The following SDK2 variants were observed in gnomAD, a reference collection of about 807,000 sequenced individuals.
SDK2 encodes protein sidekick-2.
A neutral mutation model predicts 253.9 loss-of-function variants in SDK2; 105 were observed. The observed-to-expected ratio is 0.41, with a 90% confidence interval of 0.35 to 0.49. The LOEUF is 0.49. SDK2 is among the 20% of genes least tolerant of loss of function. SDK2 has a pLI of 0.06. For synonymous variants in SDK2, 1,249 were observed against 1,234.9 expected, an observed-to-expected ratio of 1.01 and a Z score of -0.24; for missense variants, 2,608 against 3,003.0, an observed-to-expected ratio of 0.87 and a Z score of 3.07.
chr17:73,405,786 C>A (rs940912122), intron 18 of SDK2, among the ~76,000 whole-genome samples: 3 of 150,072 alleles, frequency 2.0e-5, no homozygotes, highest in Non-Finnish European at 4.4e-5. Context: ...GTGGCGCGAT[C>A]TCCGCTCACT....
rs761013945 is a variant in SDK2 at position 73,337,041 on chromosome 17, T to TTGTG, written c.*1542_*1545dup. 9.0e-5 allele frequency: 13 copies of TTGTG among 144,682 alleles called. No homozygotes were observed. The highest frequency in any genetic ancestry group is 3.4e-4 in the African/African-American group (13 of 38,338). 9.0% of individuals were successfully genotyped at this position (144,682 alleles called of 1,614,324 possible). A position where few individuals can be genotyped will look rare whatever the true frequency, so the allele number is the denominator to read the frequency against. On this transcript the variant is annotated 3_prime_UTR_variant, in exon 45 of 45. Transcript: ENST00000392650. Reference sequence around the variant, plus strand: ...TTTGCAGAACACTCCTTGGAGCAGATTGTGTATGTGTATGTGTGTGTGTGT... The same window carrying TTGTG: ...TTTGCAGAACACTCCTTGGAGCAGATTGTGTGTGTATGTGTATGTGTGTGTGTGT...
At position 73,455,250 on chromosome 17, in the gene SDK2, G is replaced by A. The variant is rs1425643437; in HGVS notation, c.479+656C>T. On this transcript the variant is annotated intron_variant, in intron 4 of 44. Coordinates refer to ENST00000392650, the MANE Select transcript of SDK2 (RefSeq NM_001144952.2). This position sits in a 1 kb window ranked among gnomAD's most constrained non-coding sequence, Gnocchi z 5.0. ...AGACCCGGGGGTGGCTCAGGAGGGCGGGGAGACGGGTGTATCTCGGGAGGA... is the reference window on the plus strand; with the variant it reads ...AGACCCGGGGGTGGCTCAGGAGGGCAGGGAGACGGGTGTATCTCGGGAGGA... Among the ~76,000 whole-genome samples the A allele has an allele frequency of 1.3e-5, 2 of 152,116 alleles. No homozygotes were observed. Among genetic ancestry groups the A allele is most frequent in the African/African-American group, 2.4e-5 (1 of 41,428 alleles).
Position 73,504,710 on chromosome 17 carries a change from C to T in SDK2, c.224+2728G>A, listed in dbSNP as rs190449162. Among the ~76,000 whole-genome samples the T allele has an allele frequency of 2.8e-3, 274 of 97,356 alleles. 1 individual carries two copies. The highest frequency in any genetic ancestry group is 0.011 in the Middle Eastern group (2 of 190). The allele number at this position is 97,356 out of a possible 152,430, so 63.9% of individuals were successfully genotyped here. A position where few individuals can be genotyped will look rare whatever the true frequency, so the allele number is the denominator to read the frequency against. On this transcript the variant is annotated intron_variant, in intron 2 of 44. Transcript: ENST00000392650. ...TAAAAGAGAAGGAATTTGAGCTGGGCCCTGCAGGAGAAAAAAAAGTTTTCA... is the reference window on the plus strand; with the variant it reads ...TAAAAGAGAAGGAATTTGAGCTGGGTCCTGCAGGAGAAAAAAAAGTTTTCA...
At position 73,372,088 on chromosome 17, in the gene SDK2, A is replaced by C. The variant is rs572579551; in HGVS notation, c.4981-3495T>G. On this transcript the variant is annotated intron_variant, in intron 36 of 44. Transcript: ENST00000392650. Reference sequence around the variant, plus strand: ...AGAGGAAGGGCCAATGGCTGCAGTCATGCTCTTGGGTGAGGAGTGGGTCGG... The same window carrying C: ...AGAGGAAGGGCCAATGGCTGCAGTCCTGCTCTTGGGTGAGGAGTGGGTCGG... 2.6e-5 allele frequency among the ~76,000 whole-genome samples: 4 copies of C among 152,316 alleles called. No homozygotes were observed. In the South Asian group the frequency reaches 8.3e-4, roughly 32 times the overall value.
chr17:73,393,451 C>T, intron 27 of SDK2, 109 bp downstream of exon 27: 1 of 1,023,536 alleles, frequency 9.8e-7, no homozygotes, highest in Non-Finnish European at 1.3e-6. Flanking sequence ...CATCTGAGGC[C>T]ATGGCTCCCT....
intron 1 of SDK2, among the ~76,000 whole-genome samples, chr17:73,637,439 C>T (rs1213556179): frequency 2.0e-5 from 3 of 152,176 alleles, no homozygotes; most frequent in African/African-American, 4.8e-5. Context: ...AGTGCAGTAG[C>T]GTGTTCTCGG....
intron 4 of SDK2, among the ~76,000 whole-genome samples, chr17:73,454,236 T>G (rs1176282650): frequency 6.6e-6 from 1 of 152,148 alleles, no homozygotes; most frequent in East Asian, 1.9e-4. Context: ...ATCCCCAAAC[T>G]CCCAAATGAT....
intron 1 of SDK2, among the ~76,000 whole-genome samples, chr17:73,630,874 C>T (rs1250866867): frequency 4.0e-5 from 6 of 151,712 alleles, no homozygotes; most frequent in Admixed American, 1.3e-4. Flanking sequence ...CCCCTCAGCA[C>T]ACCGCCCCTC....
In SDK2 at chr17:73,488,738, T is replaced by C. The variant is rs556139389; in HGVS notation, c.225-16520A>G. ...AGTGCCATAAGTATTATAGTAGTTA[T>C]GCGTTTCTTAACCATTTAATATGTG... is the stretch of plus-strand genomic sequence containing the variant. On this transcript the variant is annotated intron_variant, in intron 2 of 44. Coordinates refer to ENST00000392650, the MANE Select transcript of SDK2 (RefSeq NM_001144952.2). Among the ~76,000 whole-genome samples, 40 of 152,354 alleles carry C rather than the reference T, an allele frequency of 2.6e-4. 1 individual carries two copies. The highest frequency in any genetic ancestry group is 1.4e-3 in the South Asian group (7 of 4,830).
In SDK2 at chr17:73,387,865, G is replaced by A; in HGVS notation, c.4365C>T (p.Ser1455=). 6.3e-7 allele frequency: 1 copy of A among 1,585,800 alleles called. No individual in the cohort carries two copies. The highest frequency in any genetic ancestry group is 8.6e-7 in the Non-Finnish European group (1 of 1,166,696). ...GRWALHSASV[S]HNASSFIVDR... ...CCACAATGAAGCTGGAGGCATTGTGGCTCACGGAGGCCGAGTGCAGTGCCC... is the reference window on the plus strand; with the variant it reads ...CCACAATGAAGCTGGAGGCATTGTGACTCACGGAGGCCGAGTGCAGTGCCC... The change falls in exon 30 of 45, where the codon AGC becomes AGT. Residue 1455 remains serine, a synonymous_variant. Transcript: ENST00000392650.
chr17:73,481,188 G>C lies in SDK2; in HGVS notation c.225-8970C>G, dbSNP rs187307219. Among the ~76,000 whole-genome samples, 130 of 152,272 alleles carry C rather than the reference G, an allele frequency of 8.5e-4. No homozygotes were observed. Among genetic ancestry groups the C allele is most frequent in the African/African-American group, 2.2e-3 (90 of 41,556 alleles). On this transcript the variant is annotated intron_variant, in intron 2 of 44. Transcript: ENST00000392650. The surrounding 1 kb of genome is among the most constrained non-coding windows in gnomAD (Gnocchi z 4.5). ...CGGGGTTCCAGAATCCTTGGAAGGT[G>C]GGGGAGGGCCCTGGACTTGTCCCCT...
intron 18 of SDK2, among the ~76,000 whole-genome samples, chr17:73,414,104 T>G (rs1361897209): frequency 6.6e-6 from 1 of 151,356 alleles, no homozygotes; most frequent in Non-Finnish European, 1.5e-5. Context: ...TGTAGTGCAA[T>G]GGCTGCAATC....
rs755760410 is a variant in SDK2, at chr17:73,391,518, T to C, written c.3919A>G (p.Ile1307Val). Residue 1307 changes from isoleucine to valine, a missense_variant, in exon 28 of 45, where the codon ATC becomes GTC. By Grantham distance (29) the Ile-to-Val change is conservative. Coordinates refer to ENST00000392650, the MANE Select transcript of SDK2 (RefSeq NM_001144952.2). ...GTGGTCCGCACCTCTGGGAACAGGATGCCCATGGGTGGTCCTGGGACTGGA... is the reference window on the plus strand; with the variant it reads ...GTGGTCCGCACCTCTGGGAACAGGACGCCCATGGGTGGTCCTGGGACTGGA... ...LDDVPGPPMG[I>V]LFPEVRTTSV... is the part of the protein sequence containing the mutation. 11 of 1,302,668 alleles carry C rather than the reference T, an allele frequency of 8.4e-6. No homozygotes were observed. Among genetic ancestry groups the C allele is most frequent in the South Asian group, 3.4e-5 (1 of 29,392 alleles). 80.7% of individuals were successfully genotyped at this position (1,302,668 alleles called of 1,614,324 possible).
At chr17:73,476,618 C>T (rs73349720) in intron 2 of SDK2, among the ~76,000 whole-genome samples, 21,193 of 152,110 alleles carry the variant, frequency 0.14, 2,297 homozygotes, top group African/African-American at 0.3. Flanking sequence ...ATTTCTTTTT[C>T]ATTTTTTTTA....
At chr17:73,490,530 T>TG (rs2063798482) in intron 2 of SDK2, among the ~76,000 whole-genome samples, 1 of 151,064 alleles carries the variant, frequency 6.6e-6, no homozygotes, top group Admixed American at 6.6e-5. Flanking sequence ...AGTGTTTTTT[T>TG]TTTTTTTTTT....
chr17:73,419,846 G>A lies in SDK2; in HGVS notation c.2046-540C>T, dbSNP rs75944158. 1.4e-3 allele frequency among the ~76,000 whole-genome samples: 206 copies of A among 151,274 alleles called. 1 individual carries two copies. Among genetic ancestry groups the A allele is most frequent in the African/African-American group, 4.4e-3 (181 of 41,156 alleles). ...CTGCAGTGAGCTGTGTTTGCATCAC[G>A]GAACTACAGCCTGGGAAACAGAGAC... On this transcript the variant is annotated intron_variant, in intron 15 of 44. Coordinates refer to ENST00000392650, the MANE Select transcript of SDK2 (RefSeq NM_001144952.2).
In SDK2 at chr17:73,643,913, C is replaced by T. The variant is rs1702398536; in HGVS notation, c.64+112G>A. On this transcript the variant is annotated intron_variant, in intron 1 of 44. Coordinates refer to ENST00000392650, the MANE Select transcript of SDK2 (RefSeq NM_001144952.2). The surrounding 1 kb of genome is among the most constrained non-coding windows in gnomAD (Gnocchi z 6.9). The stretch of plus-strand genomic sequence containing the variant: ...AAACTCCCTGGAGAGGGCTCTGCCA[C>T]GGCTAAGCCGGGTGTCCAGGAGGTC... The T allele has an allele frequency of 5.2e-6, 5 of 958,014 alleles. No individual in the cohort carries two copies. The highest frequency in any genetic ancestry group is 4.5e-5 in the South Asian group (3 of 66,204). 59.3% of individuals were successfully genotyped at this position (958,014 alleles called of 1,614,324 possible).
At chr17:73,622,656 C>T (rs1038283725) in intron 1 of SDK2, among the ~76,000 whole-genome samples, 9 of 152,144 alleles carry the variant, frequency 5.9e-5, no homozygotes, top group African/African-American at 4.8e-5. Flanking sequence ...AGGAGAGGTG[C>T]GTCTTTCTTC....
intron 1 of SDK2, among the ~76,000 whole-genome samples, chr17:73,533,283 G>A (rs748024224): frequency 1.3e-5 from 2 of 152,238 alleles, no homozygotes; most frequent in Non-Finnish European, 2.9e-5. Context: ...CGTGCAGCCA[G>A]GCCACACTCT....
Sources: allele counts gnomAD v4.1 joint callset (sites outside exome capture counted in the v4.1 genomes callset), GRCh38; gene constraint gnomAD v4.1.1; non-coding constraint Gnocchi (gnomAD v3.1); transcripts MANE v1.5; gene names NCBI Gene and HGNC (gene_info 2026-07-23, HGNC 2026-07-21).